UST: variants seen among roughly 807,000 people sequenced by gnomAD.
UST encodes chondroitin sulfate 2-O-sulfotransferase.
A neutral mutation model predicts 45.6 loss-of-function variants in UST; 21 were observed. That is an observed-to-expected ratio of 0.46 (90% CI 0.33 to 0.66). The LOEUF (loss-of-function observed/expected upper bound fraction) is 0.66. Among genes scored for constraint, UST ranks in the 30% least tolerant of loss-of-function variants. UST has a pLI of 0.02. For synonymous variants in UST, 215 were observed against 200.6 expected (o/e 1.07, Z -0.61); for missense variants, 463 against 512.4 (o/e 0.90, Z 0.93).
At chr6:148,766,492 T>TTA (rs1380013249) in intron 1 of UST, among the ~76,000 whole-genome samples, 1 of 152,186 alleles carries the variant, frequency 6.6e-6, no homozygotes, top group Non-Finnish European at 1.5e-5. Context: ...CAAGCACCAG[T>TTA]TATATGCTGA....
At chr6:148,829,939 A>C (rs1466357846) in intron 1 of UST, among the ~76,000 whole-genome samples, 1 of 152,228 alleles carries the variant, frequency 6.6e-6, no homozygotes, top group East Asian at 1.9e-4. Context: ...GGTTAGTAGC[A>C]CAGGAAAAGA....
Position 149,058,211 on chromosome 6 carries a change from T to A in UST, c.938-15622T>A, listed in dbSNP as rs140732257. 6.8e-3 allele frequency among the ~76,000 whole-genome samples: 1,028 copies of A among 152,178 alleles called. 8 individuals are homozygous for A. The highest frequency in any genetic ancestry group is 0.037 in the Middle Eastern group (11 of 294). ...CATGAAAAAATGAGACAAAGAACTG[T>A]CCTGTGGTCATATCACCATCTGTGG... On this transcript the variant is annotated intron_variant, in intron 7 of 7. Coordinates refer to ENST00000367463, the MANE Select transcript of UST (RefSeq NM_005715.3).
rs1301507294 is a variant in UST at position 149,074,385 on chromosome 6, A to G, written c.*269A>G. 4 of 452,328 alleles carry G rather than the reference A, an allele frequency of 8.8e-6. No homozygotes were observed. Among genetic ancestry groups the G allele is most frequent in the Non-Finnish European group, 1.6e-5 (4 of 253,922 alleles). 28.0% of individuals were successfully genotyped at this position (452,328 alleles called of 1,614,324 possible). ...TCTTGTCATAAAACAGCTTTCCCCC[A>G]CCCCATATCATGGGAAAAGGGGGAG... On this transcript the variant is annotated 3_prime_UTR_variant, in exon 8 of 8. Coordinates refer to ENST00000367463, the MANE Select transcript of UST (RefSeq NM_005715.3).
Position 149,074,148 on chromosome 6 carries a change from C to G in UST, c.*32C>G. The G allele has an allele frequency of 1.3e-6, 2 of 1,597,496 alleles. No individual in the cohort carries two copies. The highest frequency in any genetic ancestry group is 2.2e-5 in the East Asian group (1 of 44,592). On this transcript the variant is annotated 3_prime_UTR_variant, in exon 8 of 8. Transcript: ENST00000367463. ...TGTGTTGCCTCTATGGCTTTATCTC[C>G]CTTTTCCAGAAAGTTCTTTGTTTGG...
At chr6:148,969,776 T>G (rs1044302496) in intron 5 of UST, among the ~76,000 whole-genome samples, 3 of 152,144 alleles carry the variant, frequency 2.0e-5, no homozygotes, top group Non-Finnish European at 4.4e-5. Context: ...TCTGCTGTGG[T>G]CTCAAATTGC....
chr6:148,911,922 C>G (rs955778170), intron 2 of UST, among the ~76,000 whole-genome samples: 1 of 152,104 alleles, frequency 6.6e-6, no homozygotes, highest in African/African-American at 2.4e-5. Flanking sequence ...TCAGGCCGGC[C>G]ATAGTGGCTC....
chr6:148,979,389 G>A (rs1050006255), intron 5 of UST, among the ~76,000 whole-genome samples: 2 of 152,114 alleles, frequency 1.3e-5, no homozygotes, highest in Non-Finnish European at 2.9e-5. Flanking sequence ...CTTTAATTAC[G>A]GCAGCAGATG....
chr6:148,807,421 C>T (rs916012033), intron 1 of UST, among the ~76,000 whole-genome samples: 2 of 152,130 alleles, frequency 1.3e-5, no homozygotes, highest in Non-Finnish European at 2.9e-5. Flanking sequence ...ATTTACCAAC[C>T]ATGTGGTCAT....
chr6:149,049,931 TCA>T (rs59151398), intron 7 of UST, among the ~76,000 whole-genome samples: 5,469 of 134,460 alleles, frequency 0.041, 317 homozygotes, highest in African/African-American at 0.13. Flanking sequence ...TCTCTCTCTC[TCA>T]CACACACACA....
intron 5 of UST, among the ~76,000 whole-genome samples, chr6:148,973,876 T>C (rs1780968235): frequency 6.6e-6 from 1 of 152,216 alleles, no homozygotes; most frequent in Non-Finnish European, 1.5e-5. Flanking sequence ...TTGCGAGTAC[T>C]TATGAAAATG....
intron 1 of UST, among the ~76,000 whole-genome samples, chr6:148,834,035 A>C (rs1777741057): frequency 6.6e-6 from 1 of 152,238 alleles, no homozygotes; most frequent in Non-Finnish European, 1.5e-5. Flanking sequence ...TATTGAAACA[A>C]TATGGGTAAG....
chr6:148,796,694 C>A (rs894960098), intron 1 of UST, among the ~76,000 whole-genome samples: 2 of 149,758 alleles, frequency 1.3e-5, no homozygotes, highest in Non-Finnish European at 3.0e-5. Context: ...AAAACTGATA[C>A]CCGTTAGGCT....
intron 1 of UST, among the ~76,000 whole-genome samples, chr6:148,824,801 G>A (rs926308915): frequency 6.9e-6 from 1 of 145,032 alleles, no homozygotes; most frequent in Non-Finnish European, 1.5e-5. Context: ...CTAGCATTAG[G>A]TATATCTCCC....
chr6:148,873,311 G>T (rs1485789323), intron 1 of UST, among the ~76,000 whole-genome samples: 2 of 152,112 alleles, frequency 1.3e-5, no homozygotes, highest in Admixed American at 1.3e-4. Flanking sequence ...GCTCTGAGTG[G>T]CTGCTGAGAT....
At chr6:149,011,175 C>T (rs1775804747) in intron 5 of UST, among the ~76,000 whole-genome samples, 1 of 152,104 alleles carries the variant, frequency 6.6e-6, no homozygotes, top group South Asian at 2.1e-4. Flanking sequence ...TTGAATGGAA[C>T]TGGAGGTCAT....
chr6:148,899,193 G>A (rs1358086427), intron 2 of UST, among the ~76,000 whole-genome samples: 2 of 147,620 alleles, frequency 1.4e-5, no homozygotes, highest in Non-Finnish European at 3.0e-5. Flanking sequence ...TCCGCCTCCC[G>A]GGTTCACACC....
intron 2 of UST, among the ~76,000 whole-genome samples, chr6:148,928,834 G>T (rs1261568587): frequency 2.0e-5 from 3 of 152,202 alleles, no homozygotes; most frequent in Non-Finnish European, 4.4e-5. Context: ...CTGGATTCTT[G>T]TGTGGAGTTA....
intron 1 of UST, among the ~76,000 whole-genome samples, chr6:148,806,299 C>A (rs1428610973): frequency 6.6e-6 from 1 of 152,132 alleles, no homozygotes; most frequent in Non-Finnish European, 1.5e-5. Flanking sequence ...TGGTCACTAT[C>A]CAAGCTTAGT....
intron 1 of UST, among the ~76,000 whole-genome samples, chr6:148,776,835 GGATCCGTCAT>G (rs1776543633): frequency 6.6e-6 from 1 of 152,098 alleles, no homozygotes; most frequent in African/African-American, 2.4e-5. Flanking sequence ...CATCTCCTCT[GGATCCGTCAT>G]GATGGGTGGG....
Sources: allele counts gnomAD v4.1 joint callset (sites outside exome capture counted in the v4.1 genomes callset), GRCh38; gene constraint gnomAD v4.1.1; transcripts MANE v1.5; gene names NCBI Gene and HGNC (gene_info 2026-07-23, HGNC 2026-07-21).